METTL24: variants seen among roughly 807,000 people sequenced by gnomAD.
The protein encoded by METTL24 is methyltransferase like 24, also known as probable methyltransferase-like protein 24.
METTL24 carries 29 observed loss-of-function variants against 32.7 expected under a neutral mutation model. The ratio of observed to expected loss-of-function variants is 0.89; its 90% CI spans 0.66 to 1.21. The LOEUF (loss-of-function observed/expected upper bound fraction) is 1.21, where lower values mean the gene tolerates loss of function less well. Among genes scored for constraint, METTL24 ranks in the 50% most tolerant of loss-of-function variants. METTL24 has a pLI of 0.00. For synonymous variants in METTL24, 163 were observed against 179.5 expected, an observed-to-expected ratio of 0.91 and a Z score of 0.73; for missense variants, 439 against 468.1, an observed-to-expected ratio of 0.94 and a Z score of 0.57.
chr6:110,335,341 G>A (rs765485392), intron 1 of METTL24, among the ~76,000 whole-genome samples: 19 of 152,272 alleles, frequency 1.2e-4, no homozygotes, highest in East Asian at 5.8e-4. Context: ...TGGAAATAAC[G>A]AGAGTACAGG....
At chr6:110,315,277 T>C (rs1771796863) in intron 3 of METTL24, 65 bp downstream of exon 3, 1 of 1,578,696 alleles carries the variant, frequency 6.3e-7, no homozygotes, top group African/African-American at 1.4e-5. Flanking sequence ...TTTGTATTGC[T>C]GAAAAGGTCT....
chr6:110,272,927 T>C (rs1038592534), intron 4 of METTL24, among the ~76,000 whole-genome samples: 21 of 152,232 alleles, frequency 1.4e-4, no homozygotes, highest in African/African-American at 5.1e-4. Flanking sequence ...CTGTTTACTT[T>C]GCTGATTATT....
At chr6:110,306,503 T>C (rs1209495323) in intron 3 of METTL24, among the ~76,000 whole-genome samples, 1 of 151,912 alleles carries the variant, frequency 6.6e-6, no homozygotes, top group Non-Finnish European at 1.5e-5. Flanking sequence ...CACATACACA[T>C]ATAAGTTAGT....
At chr6:110,249,433 A>AG (rs1409390876) in intron 4 of METTL24, among the ~76,000 whole-genome samples, 1 of 83,406 alleles carries the variant, frequency 1.2e-5, no homozygotes, top group East Asian at 3.4e-4. Context: ...CATGCAGCCC[A>AG]GGGGGAGCAC....
Position 110,246,124 on chromosome 6 carries a change from C to T in METTL24, c.923G>A (p.Gly308Asp). The change falls in exon 5 of 5, where the codon GGC (glycine) becomes GAC (aspartate). Residue 308 changes from glycine (G) to aspartate (D), a missense_variant. By Grantham distance (94) the Gly-to-Asp change is moderately conservative (BLOSUM62 -1). Coordinates refer to ENST00000338882, the MANE Select transcript of METTL24 (RefSeq NM_001123364.3). ...HLHWPGFEVSGSDSSVVRFWY... is the reference protein window; with the variant it reads ...HLHWPGFEVSDSDSSVVRFWY... The stretch of plus-strand genomic sequence containing the variant: ...GAACCGCACAACGCTGCTGTCACTG[C>T]CACTGACCTCAAACCCAGGCCAGTG... The T allele has an allele frequency of 6.2e-7, 1 of 1,614,180 alleles. No individual in the cohort carries two copies. The highest frequency in any genetic ancestry group is 8.5e-7 in the Non-Finnish European group (1 of 1,180,042).
At chr6:110,321,073 C>A (rs1771922335) in intron 2 of METTL24, among the ~76,000 whole-genome samples, 1 of 152,054 alleles carries the variant, frequency 6.6e-6, no homozygotes, top group Non-Finnish European at 1.5e-5. Context: ...CCTATCTCTA[C>A]TAAAAATACA....
intron 4 of METTL24, among the ~76,000 whole-genome samples, chr6:110,265,572 T>C (rs1333617634): frequency 2.0e-5 from 3 of 152,186 alleles, no homozygotes; most frequent in Middle Eastern, 3.4e-3. Flanking sequence ...AGTAAAAGTG[T>C]CATGTGGGAT....
intron 4 of METTL24, among the ~76,000 whole-genome samples, chr6:110,278,466 C>T (rs918223940): frequency 1.3e-5 from 2 of 152,094 alleles, no homozygotes; most frequent in Non-Finnish European, 2.9e-5. Context: ...AATTTTAGAG[C>T]CTGGCTGTAC....
intron 1 of METTL24, among the ~76,000 whole-genome samples, chr6:110,332,995 C>T (rs142256758): frequency 5.3e-5 from 8 of 152,138 alleles, no homozygotes; most frequent in African/African-American, 1.7e-4. Context: ...ATCTCTCTCT[C>T]TCTGCCTCTT....
rs2334319 is a variant in METTL24 at position 110,245,125 on chromosome 6, C to T, written c.*821G>A. Among the ~76,000 whole-genome samples, 59,663 of 151,978 alleles carry T rather than the reference C, an allele frequency of 0.39. 16,671 individuals carry two copies. The highest frequency in any genetic ancestry group is 0.8 in the African/African-American group (33,146 of 41,478). ...CTAGGTGTATCTGTAAGGATATTTC[C>T]AGATGAAATTAATATTTAAATCAGT... On this transcript the variant is annotated 3_prime_UTR_variant, in exon 5 of 5. Coordinates refer to ENST00000338882, the MANE Select transcript of METTL24 (RefSeq NM_001123364.3).
intron 4 of METTL24, among the ~76,000 whole-genome samples, chr6:110,278,264 T>TGTTC (rs1170676530): frequency 1.3e-5 from 2 of 152,196 alleles, no homozygotes; most frequent in East Asian, 3.9e-4. Context: ...CTTCTGTTTA[T>TGTTC]GTTCCTTGCT....
chr6:110,246,021 CT>C lies in METTL24; in HGVS notation c.1025del (p.Gln342ArgfsTer4), dbSNP rs1173028589. On this transcript the variant is annotated frameshift_variant, in exon 5 of 5. Transcript: ENST00000338882. LOFTEE classifies it high-confidence loss of function. ...FHSYKDLSKP[Q>X]LFLKKDIFNA... ...TGAAAATGTCTTTCTTCAAGAATAG[CT>C]GAGGTTTAGATAAGTCTTTGTAACT... The C allele has an allele frequency of 6.2e-7, 1 of 1,614,066 alleles. No homozygotes were observed. The highest frequency in any genetic ancestry group is 1.3e-5 in the African/African-American group (1 of 74,928).
intron 1 of METTL24, among the ~76,000 whole-genome samples, chr6:110,323,559 G>T (rs1458645614): frequency 1.3e-5 from 2 of 152,162 alleles, no homozygotes; most frequent in Admixed American, 6.5e-5. Flanking sequence ...AAGGATGGGT[G>T]GATGAAGGGT....
chr6:110,269,054 G>A (rs960848907), intron 4 of METTL24, among the ~76,000 whole-genome samples: 4 of 152,062 alleles, frequency 2.6e-5, no homozygotes, highest in Non-Finnish European at 4.4e-5. Flanking sequence ...AGAAACAAAC[G>A]TATGACATCC....
rs554106623 is a variant in METTL24 at position 110,340,390 on chromosome 6, T to C, written c.319-17518A>G. 5.9e-5 allele frequency among the ~76,000 whole-genome samples: 9 copies of C among 152,282 alleles called. No homozygotes were observed. In the South Asian group the frequency reaches 1.9e-3, roughly 32 times the overall value. ...CTCTCAGTTAAAGATGAACACCAGT[T>C]ACTGAACTCTCTACCCCAAGTTTAG... is the stretch of plus-strand genomic sequence containing the variant. On this transcript the variant is annotated intron_variant, in intron 1 of 4. Transcript: ENST00000338882.
At chr6:110,269,034 C>T (rs1368911913) in intron 4 of METTL24, among the ~76,000 whole-genome samples, 1 of 152,092 alleles carries the variant, frequency 6.6e-6, no homozygotes, top group Non-Finnish European at 1.5e-5. Context: ...ATTTGAGACC[C>T]AATATACCAA....
Position 110,291,622 on chromosome 6 carries a change from T to C in METTL24, c.786+7300A>G, listed in dbSNP as rs139282756. 5.9e-5 allele frequency among the ~76,000 whole-genome samples: 9 copies of C among 152,330 alleles called. No homozygotes were observed. In the East Asian group the frequency reaches 1.5e-3, roughly 26 times the overall value. On this transcript the variant is annotated intron_variant, in intron 4 of 4. Transcript: ENST00000338882. ...AAACCTGTACCATGAGGGTTTGTTG[T>C]ACAGATTATTTCGTCACCCAGGTAT...
chr6:110,270,961 C>T lies in METTL24; in HGVS notation c.787-24701G>A, dbSNP rs139523792. Among the ~76,000 whole-genome samples, 17 of 151,768 alleles carry T rather than the reference C, an allele frequency of 1.1e-4. No homozygotes were observed. The East Asian group carries it at 2.5e-3, about 23-fold the overall frequency. On this transcript the variant is annotated intron_variant, in intron 4 of 4. Coordinates refer to ENST00000338882, the MANE Select transcript of METTL24 (RefSeq NM_001123364.3). Reference sequence around the variant, plus strand: ...CAAGTGATTCTCCTGCCTCAGCCTCCCGAGTAGCTTGGACTATATGCGTGC... The same window carrying T: ...CAAGTGATTCTCCTGCCTCAGCCTCTCGAGTAGCTTGGACTATATGCGTGC...
At chr6:110,246,498 G>A (rs959723184) in intron 4 of METTL24, among the ~76,000 whole-genome samples, 1 of 152,126 alleles carries the variant, frequency 6.6e-6, no homozygotes, top group Admixed American at 6.6e-5. Flanking sequence ...TGCCTAGGCT[G>A]GTATAAAACT....
Sources: allele counts gnomAD v4.1 joint callset (sites outside exome capture counted in the v4.1 genomes callset), GRCh38; gene constraint gnomAD v4.1.1; transcripts MANE v1.5; gene names NCBI Gene and HGNC (gene_info 2026-07-23, HGNC 2026-07-21).